The following SLC35E4 variants were observed in gnomAD, a reference collection of about 807,000 sequenced individuals.
SLC35E4 encodes solute carrier family 35, member E4.
SLC35E4 carries 15 observed loss-of-function variants against 19.3 expected under a neutral mutation model. That is an observed-to-expected ratio of 0.78 (90% CI 0.52 to 1.20). SLC35E4 has a LOEUF of 1.20. Ranked by LOEUF, SLC35E4 falls within the 50% of genes most tolerant of loss-of-function variation. The pLI, the probability that SLC35E4 is intolerant of heterozygous loss-of-function variation, is 0.00. For synonymous variants in SLC35E4, 219 were observed against 219.9 expected (o/e 1.00, Z 0.04); for missense variants, 406 against 472.3 (o/e 0.86, Z 1.30).
downstream of SLC35E4, among the ~76,000 whole-genome samples, chr22:30,664,777 G>A (rs2088589866): frequency 6.6e-6 from 1 of 152,208 alleles, no homozygotes; most frequent in African/African-American, 2.4e-5. Context: ...TCTGAAGAAG[G>A]CCTGGGAAAG....
At chr22:30,663,961 G>A, downstream of SLC35E4, 1 of 1,614,212 alleles carries the variant, frequency 6.2e-7, no homozygotes, top group South Asian at 1.1e-5. Flanking sequence ...CTGACTGAGG[G>A]CTGCCGGAAC....
intron 1 of SLC35E4, among the ~76,000 whole-genome samples, chr22:30,645,595 CAAAAAAAAAAAAA>C (rs1157239877): frequency 0.018 from 1,521 of 82,238 alleles, 44 homozygotes; most frequent in African/African-American, 0.05. Flanking sequence ...ACTCTGTCTC[CAAAAAAAAAAAAA>C]AAAAAAAAAA....
downstream of SLC35E4, among the ~76,000 whole-genome samples, chr22:30,648,597 C>G (rs1029289353): frequency 2.0e-5 from 3 of 152,030 alleles, no homozygotes; most frequent in Non-Finnish European, 4.4e-5. Context: ...ATTAAAAATA[C>G]AAAAAAATTA....
At chr22:30,642,074 G>T (rs911259694) in intron 1 of SLC35E4, among the ~76,000 whole-genome samples, 1 of 152,000 alleles carries the variant, frequency 6.6e-6, no homozygotes, top group Non-Finnish European at 1.5e-5. Flanking sequence ...CCAGGCTGGA[G>T]TGCAGTGGCT....
At chr22:30,661,444 C>CG (rs555969142) in intron 2 of SLC35E4, 1 of 136,480 alleles carries the variant, frequency 7.3e-6, no homozygotes, top group African/African-American at 2.7e-5. Flanking sequence ...TTTTCTTTTT[C>CG]TTTTTTTTTT....
At chr22:30,650,470 T>A (rs889124083), downstream of SLC35E4, among the ~76,000 whole-genome samples, 2 of 152,152 alleles carry the variant, frequency 1.3e-5, no homozygotes, top group African/African-American at 4.8e-5. Context: ...CACTCCAGCT[T>A]GTGTGACAGA....
In SLC35E4 at chr22:30,636,670, C is replaced by T. The variant is rs1241729278; in HGVS notation, c.220C>T (p.His74Tyr). The T allele has an allele frequency of 6.2e-7, 1 of 1,612,186 alleles. No individual in the cohort carries two copies. ...CCTCAACAAGTGGATCTTCACAGTG[C>T]ACGGCTTTGGGCGGCCCCTGCTGCT... ...SSLNKWIFTVHGFGRPLLLSA... is the reference protein window; with the variant it reads ...SSLNKWIFTVYGFGRPLLLSA... Residue 74 changes from histidine to tyrosine, a missense_variant, in exon 1 of 2, where the codon CAC (histidine) becomes TAC (tyrosine). His to Tyr is a moderately conservative substitution (Grantham distance 83). Coordinates refer to ENST00000343605, the MANE Select transcript of SLC35E4 (RefSeq NM_001001479.4).
rs575484757 is a variant in SLC35E4, at chr22:30,644,694, C to A, written c.620-1904C>A. Among the ~76,000 whole-genome samples the A allele has an allele frequency of 3.3e-5, 5 of 152,164 alleles. No individual in the cohort carries two copies. In the South Asian group the frequency reaches 1.0e-3, roughly 32 times the overall value. On this transcript the variant is annotated intron_variant, in intron 1 of 1. Coordinates refer to ENST00000343605, the MANE Select transcript of SLC35E4 (RefSeq NM_001001479.4). Reference sequence around the variant, plus strand: ...GGAAGGCAGTAAACTGACATCGTACCACTACACTCCAGCCTGGGCAAGAGA... The same window carrying A: ...GGAAGGCAGTAAACTGACATCGTACAACTACACTCCAGCCTGGGCAAGAGA...
At chr22:30,649,263 C>T (rs1300287231), downstream of SLC35E4, 3 of 716,908 alleles carry the variant, frequency 4.2e-6, no homozygotes, top group Admixed American at 2.0e-5. Context: ...GGTAATGGCA[C>T]CAACTGGCTC....
intron 2 of SLC35E4, among the ~76,000 whole-genome samples, chr22:30,659,788 G>C (rs778609826): frequency 6.6e-6 from 1 of 152,196 alleles, no homozygotes; most frequent in East Asian, 1.9e-4. Flanking sequence ...AGATGTAACT[G>C]ATTTTATTTT....
downstream of SLC35E4, chr22:30,665,545 G>C (rs147864456): frequency 1.7e-5 from 8 of 471,018 alleles, no homozygotes; most frequent in East Asian, 4.9e-4. Flanking sequence ...GGAGCCTTAA[G>C]ATATCAACTT....
intron 2 of SLC35E4, among the ~76,000 whole-genome samples, chr22:30,655,629 C>G (rs1192650858): frequency 3.3e-5 from 5 of 151,948 alleles, no homozygotes. Flanking sequence ...CTAGAAGGAG[C>G]CTCAAGGAAT....
intron 1 of SLC35E4, among the ~76,000 whole-genome samples, chr22:30,645,364 G>A (rs922582537): frequency 1.3e-5 from 2 of 152,162 alleles, no homozygotes; most frequent in Non-Finnish European, 1.5e-5. Context: ...GGAGGCCGAG[G>A]TGGGAGGATC....
chr22:30,645,360 C>T (rs1449766067), intron 1 of SLC35E4, among the ~76,000 whole-genome samples: 2 of 152,030 alleles, frequency 1.3e-5, no homozygotes, highest in African/African-American at 4.8e-5. Flanking sequence ...TTTGGGAGGC[C>T]GAGGTGGGAG....
intron 1 of SLC35E4, among the ~76,000 whole-genome samples, chr22:30,645,514 G>C (rs1018113492): frequency 3.4e-5 from 5 of 146,794 alleles, no homozygotes; most frequent in African/African-American, 1.2e-4. Flanking sequence ...AGAATCACTT[G>C]AACCTGGGAG....
intron 1 of SLC35E4, among the ~76,000 whole-genome samples, chr22:30,645,385 A>C (rs2145581506): frequency 6.6e-6 from 1 of 152,308 alleles, no homozygotes; most frequent in Non-Finnish European, 1.5e-5. Context: ...ACCTGAGGTC[A>C]GGAGTTCGAG....
At chr22:30,639,708 C>T (rs981422683) in intron 1 of SLC35E4, among the ~76,000 whole-genome samples, 12 of 152,240 alleles carry the variant, frequency 7.9e-5, no homozygotes, top group Non-Finnish European at 1.5e-5. Flanking sequence ...AAATATGGCT[C>T]TGTTCCACCC....
At position 30,636,614 on chromosome 22, in the gene SLC35E4, T is replaced by C. The variant is rs770167776; in HGVS notation, c.164T>C (p.Val55Ala). The C allele has an allele frequency of 6.2e-7, 1 of 1,608,426 alleles. No individual in the cohort carries two copies. The change falls in exon 1 of 2, where the codon GTG becomes GCG. Residue 55 changes from valine to alanine, a missense_variant. By Grantham distance (64) the Val-to-Ala change is moderately conservative. Transcript: ENST00000343605. ...GCCCGAGTGGCCATGGCAGCACTGGTGTGGCTGCTGGCGGGAGCCAGCATG... is the reference window on the plus strand; with the variant it reads ...GCCCGAGTGGCCATGGCAGCACTGGCGTGGCTGCTGGCGGGAGCCAGCATG... The part of the protein sequence containing the change: ...GRARVAMAAL[V>A]WLLAGASMSS...
intron 2 of SLC35E4, among the ~76,000 whole-genome samples, chr22:30,653,559 G>T (rs1004344676): frequency 1.3e-5 from 2 of 151,942 alleles, no homozygotes; most frequent in African/African-American, 4.8e-5. Context: ...TTTTAGTAGA[G>T]ACTGGGTTTC....
Sources: allele counts gnomAD v4.1 joint callset (sites outside exome capture counted in the v4.1 genomes callset), GRCh38; gene constraint gnomAD v4.1.1; transcripts MANE v1.5; gene names NCBI Gene and HGNC (gene_info 2026-07-23, HGNC 2026-07-21).